The following PPP2R2D variants were observed in gnomAD, a reference collection of about 807,000 sequenced individuals.
The protein encoded by PPP2R2D is protein phosphatase 2 regulatory subunit Bdelta, also known as serine/threonine-protein phosphatase 2A 55 kDa regulatory subunit B delta isoform.
PPP2R2D carries 9 observed loss-of-function variants against 31.1 expected under a neutral mutation model. That is an observed-to-expected ratio of 0.29 (90% CI 0.17 to 0.51). The LOEUF (loss-of-function observed/expected upper bound fraction) is 0.51, where lower values mean the gene tolerates loss of function less well. Ranked by LOEUF, PPP2R2D falls within the 20% of genes least tolerant of loss-of-function variation. The probability of loss-of-function intolerance (pLI) is 0.98; values close to 1 mark genes in which losing one functional copy is unlikely to be tolerated. For synonymous variants in PPP2R2D, 179 were observed against 172.6 expected, an observed-to-expected ratio of 1.04 and a Z score of -0.29; for missense variants, 391 against 465.6, an observed-to-expected ratio of 0.84 and a Z score of 1.48.
chr10:131,940,808 T>G, intron 5 of PPP2R2D, 114 bp downstream of exon 5: 1 of 594,742 alleles, frequency 1.7e-6, no homozygotes, highest in Non-Finnish European at 3.1e-6. Context: ...CTGTGAGGTC[T>G]GCCTCGTGAT....
intron 5 of PPP2R2D, among the ~76,000 whole-genome samples, chr10:131,943,007 A>G (rs1415196192): frequency 6.6e-6 from 1 of 152,174 alleles, no homozygotes; most frequent in Non-Finnish European, 1.5e-5. Context: ...TTTTTCCCCT[A>G]AGCTTTCAAG....
At chr10:131,955,229 A>G (rs1176172249) in intron 8 of PPP2R2D, among the ~76,000 whole-genome samples, 1 of 152,242 alleles carries the variant, frequency 6.6e-6, no homozygotes, top group Non-Finnish European at 1.5e-5. Flanking sequence ...CATTTGAAAG[A>G]AACTTTTTGA....
At position 131,955,966 on chromosome 10, in the gene PPP2R2D, A is replaced by T; in HGVS notation, c.*3A>T. ...TATTCCAGGACAAAATCAACTAGAGACGCGAACGTGAGGACCAAGTCTTGT... is the reference window on the plus strand; with the variant it reads ...TATTCCAGGACAAAATCAACTAGAGTCGCGAACGTGAGGACCAAGTCTTGT... On this transcript the variant is annotated 3_prime_UTR_variant, in exon 9 of 9. Coordinates refer to ENST00000455566, the MANE Select transcript of PPP2R2D (RefSeq NM_018461.5). The T allele has an allele frequency of 6.7e-7, 1 of 1,495,204 alleles. No homozygotes were observed. Among genetic ancestry groups the T allele is most frequent in the South Asian group, 1.4e-5 (1 of 71,204 alleles). 92.6% of individuals were successfully genotyped at this position (1,495,204 alleles called of 1,614,324 possible).
At chr10:131,909,225 G>A (rs919980948) in intron 2 of PPP2R2D, among the ~76,000 whole-genome samples, 2 of 152,220 alleles carry the variant, frequency 1.3e-5, no homozygotes, top group Non-Finnish European at 2.9e-5. Flanking sequence ...GGGAGTGGCT[G>A]TGATGAGCAG....
At position 131,956,293 on chromosome 10, in the gene PPP2R2D, A is replaced by G. The variant is rs868918495; in HGVS notation, c.*330A>G. Reference sequence around the variant, plus strand: ...AGACCAAAAAATTAACATCCAAGAGAAAAGTTATTGTCAGATACCGCTCTT... The same window carrying G: ...AGACCAAAAAATTAACATCCAAGAGGAAAGTTATTGTCAGATACCGCTCTT... On this transcript the variant is annotated 3_prime_UTR_variant, in exon 9 of 9. Transcript: ENST00000455566. 31 of 1,030,014 alleles carry G rather than the reference A, an allele frequency of 3.0e-5. No homozygotes were observed. Among genetic ancestry groups the G allele is most frequent in the Middle Eastern group, 9.3e-4 (2 of 2,142 alleles). 63.8% of individuals were successfully genotyped at this position (1,030,014 alleles called of 1,614,324 possible).
downstream of PPP2R2D, among the ~76,000 whole-genome samples, chr10:131,963,825 C>G (rs1431247398): frequency 2.6e-5 from 4 of 152,206 alleles, no homozygotes; most frequent in Non-Finnish European, 5.9e-5. Context: ...TCACCCAGCC[C>G]CCTAACAATG....
chr10:131,907,948 T>C (rs1281124554), intron 2 of PPP2R2D, among the ~76,000 whole-genome samples: 2 of 152,184 alleles, frequency 1.3e-5, no homozygotes, highest in Non-Finnish European at 2.9e-5. Flanking sequence ...TGGGTTTGTG[T>C]CTGCTGTTTT....
intron 2 of PPP2R2D, among the ~76,000 whole-genome samples, chr10:131,923,608 G>C (rs1326940031): frequency 3.9e-5 from 6 of 152,094 alleles, no homozygotes; most frequent in Non-Finnish European, 8.8e-5. Context: ...GTTATTGTCT[G>C]TCTAATTTTA....
downstream of PPP2R2D, among the ~76,000 whole-genome samples, chr10:131,960,997 G>C (rs2036913237): frequency 6.6e-6 from 1 of 152,128 alleles, no homozygotes; most frequent in Non-Finnish European, 1.5e-5. Context: ...GAGCTGTCCT[G>C]TCGTTGCTGT....
intron 2 of PPP2R2D, among the ~76,000 whole-genome samples, chr10:131,931,089 A>G (rs910679186): frequency 2.3e-4 from 35 of 152,126 alleles, no homozygotes; most frequent in Admixed American, 2.1e-3. Context: ...TGCTACCTTG[A>G]GCACGCAGGG....
chr10:131,971,474 G>C, the PPP2R2D span: 1 of 158,056 alleles, frequency 6.3e-6, no homozygotes, highest in African/African-American at 2.4e-5. Context: ...AACCACAGCT[G>C]CGGCCAAATC....
At chr10:131,916,036 C>T (rs782299231) in intron 2 of PPP2R2D, among the ~76,000 whole-genome samples, 67 of 152,280 alleles carry the variant, frequency 4.4e-4, no homozygotes, top group Non-Finnish European at 8.2e-4. Flanking sequence ...TTTCTGTGTA[C>T]GCCCTAAAGT....
At chr10:131,903,539 C>G (rs962683518) in intron 2 of PPP2R2D, among the ~76,000 whole-genome samples, 10 of 149,796 alleles carry the variant, frequency 6.7e-5, no homozygotes, top group Non-Finnish European at 1.2e-4. Flanking sequence ...GAACTTTTTG[C>G]AGTTTTAAAT....
At chr10:131,967,700 A>C in the PPP2R2D span, 1 of 152,620 alleles carries the variant, frequency 6.6e-6, no homozygotes, top group Non-Finnish European at 1.5e-5. Flanking sequence ...GGATTTGGCA[A>C]AGATTTATTT....
intron 8 of PPP2R2D, 138 bp from the exon 9 acceptor site, chr10:131,955,542 GTGAT>G: frequency 3.3e-6 from 2 of 610,280 alleles, no homozygotes; most frequent in Non-Finnish European, 4.8e-6. Flanking sequence ...TCTGCCCATT[GTGAT>G]TGATCATTCC....
intron 7 of PPP2R2D, among the ~76,000 whole-genome samples, chr10:131,946,300 T>C (rs907123285): frequency 7.2e-5 from 11 of 152,254 alleles, no homozygotes; most frequent in Non-Finnish European, 1.5e-4. Context: ...TAGAGCACTG[T>C]AGTCAGCGTG....
At chr10:131,906,292 G>C (rs2035582687) in intron 2 of PPP2R2D, among the ~76,000 whole-genome samples, 2 of 152,182 alleles carry the variant, frequency 1.3e-5, no homozygotes, top group Non-Finnish European at 2.9e-5. Flanking sequence ...ATAACAGCTG[G>C]TTCCTTTCTT....
chr10:131,931,327 G>T (rs1564817522), intron 2 of PPP2R2D, among the ~76,000 whole-genome samples: 1 of 152,204 alleles, frequency 6.6e-6, no homozygotes, highest in Non-Finnish European at 1.5e-5. Flanking sequence ...TCTTTGTTCA[G>T]ATTCCATCCT....
chr10:131,929,428 T>A (rs554491481), intron 2 of PPP2R2D, among the ~76,000 whole-genome samples: 2 of 152,294 alleles, frequency 1.3e-5, no homozygotes, highest in African/African-American at 4.8e-5. Flanking sequence ...CACTCAGATG[T>A]AGGAGCAGCT....
Sources: allele counts gnomAD v4.1 joint callset (sites outside exome capture counted in the v4.1 genomes callset), GRCh38; gene constraint gnomAD v4.1.1; transcripts MANE v1.5; gene names NCBI Gene and HGNC (gene_info 2026-07-23, HGNC 2026-07-21).